PWWP2A: variants seen among roughly 807,000 people sequenced by gnomAD.
PWWP2A encodes PWWP domain-containing protein 2A.
Under a neutral mutation model 48.5 loss-of-function variants are expected in PWWP2A, and 18 were observed. The ratio of observed to expected loss-of-function variants is 0.37; its 90% CI spans 0.26 to 0.55. The LOEUF (loss-of-function observed/expected upper bound fraction) is 0.55. Ranked by LOEUF, PWWP2A falls within the 20% of genes least tolerant of loss-of-function variation. PWWP2A has a pLI of 0.81. For synonymous variants in PWWP2A, 396 were observed against 387.7 expected (o/e 1.02, Z -0.25); for missense variants, 867 against 976.4 (o/e 0.89, Z 1.49).
chr5:160,117,259 A>T (rs958544539), intron 1 of PWWP2A, among the ~76,000 whole-genome samples: 1 of 152,248 alleles, frequency 6.6e-6, no homozygotes, highest in Non-Finnish European at 1.5e-5. Context: ...CAGGAGTCTG[A>T]GACCAGCCTA....
intron 1 of PWWP2A, among the ~76,000 whole-genome samples, chr5:160,109,775 A>AATAATATAAT (rs397945490): frequency 3.6e-5 from 1 of 27,844 alleles, no homozygotes; most frequent in African/African-American, 1.3e-4. Context: ...AAAAAAAAAA[A>AATAATATAAT]TATATATATA....
the PWWP2A span, among the ~76,000 whole-genome samples, chr5:160,050,925 C>G: frequency 6.6e-6 from 1 of 151,738 alleles, no homozygotes; most frequent in African/African-American, 2.4e-5. Flanking sequence ...TGCACCTGGC[C>G]CAAACAGAAC....
chr5:160,056,236 T>C, the PWWP2A span, among the ~76,000 whole-genome samples: 3 of 152,224 alleles, frequency 2.0e-5, no homozygotes, highest in African/African-American at 2.4e-5. Flanking sequence ...TGCTGCTCCC[T>C]GCCCTGGCCA....
chr5:160,105,239 CAA>C lies in PWWP2A; in HGVS notation c.585-11176_585-11175del, dbSNP rs70990704. Reference sequence around the variant, plus strand: ...AGCAACAGAGACTCTGTCTCTAAGGCAAAAAAAAAAAAAAAAAAAAAAAAACA... The same window carrying C: ...AGCAACAGAGACTCTGTCTCTAAGGCAAAAAAAAAAAAAAAAAAAAAAACA... On this transcript the variant is annotated intron_variant, in intron 1 of 1. Transcript: ENST00000307063. 3.7e-4 allele frequency among the ~76,000 whole-genome samples: 18 copies of C among 48,954 alleles called. No individual in the cohort carries two copies. The South Asian group carries it at 4.2e-3, about 11-fold the overall frequency. 32.1% of individuals were successfully genotyped at this position (48,954 alleles called of 152,430 possible).
At chr5:160,050,966 A>G in the PWWP2A span, among the ~76,000 whole-genome samples, 1 of 123,314 alleles carries the variant, frequency 8.1e-6, no homozygotes, top group Admixed American at 8.3e-5. Context: ...CCACAAACAT[A>G]AATACTTGGG....
rs1240724402 is a variant in PWWP2A at position 160,092,902 on chromosome 5, C to T, written c.1748G>A (p.Cys583Tyr). The T allele has an allele frequency of 1.3e-6, 2 of 1,551,726 alleles. No homozygotes were observed. Among genetic ancestry groups the T allele is most frequent in the African/African-American group, 1.4e-5 (1 of 73,184 alleles). Reference protein sequence around the residue: ...KKSDSSSASVCSIDSTDDLKS... With the variant: ...KKSDSSSASVYSIDSTDDLKS... ...CAAATCATCTGTGCTATCAATGCTA[C>T]ACACTGAAGCACTGGAAGAGTCAGA... Residue 583 changes from cysteine (C) to tyrosine (Y), a missense_variant, in exon 2 of 2, where the codon TGT becomes TAT. Physicochemically the swap from Cys to Tyr is radical, Grantham distance 194. Around this residue, in one of 4 missense-constraint regions of PWWP2A, gnomAD observed 382 missense variants for 407.2 expected, o/e 0.94. Transcript: ENST00000307063.
At chr5:160,050,383 G>T in the PWWP2A span, among the ~76,000 whole-genome samples, 154 of 152,270 alleles carry the variant, frequency 1.0e-3, 1 homozygote, top group Non-Finnish European at 1.6e-3. Flanking sequence ...GGAGGTGGAG[G>T]TTGCAGTGAG....
chr5:160,093,248 C>A lies in PWWP2A; in HGVS notation c.1402G>T (p.Gly468Cys), dbSNP rs1219737704. The change falls in exon 2 of 2, where the codon GGT becomes TGT. Residue 468 changes from glycine (G) to cysteine (C), a missense_variant. Gly to Cys is a radical substitution (Grantham distance 159, BLOSUM62 -3). Transcript: ENST00000307063. The surrounding 1 kb of genome is among the most constrained non-coding windows in gnomAD (Gnocchi z 5.8). The part of the protein sequence containing the change: ...FTRRYQNPSS[G>C]SLPPRVRLKP... ...AAACGAACCCGGGGTGGAAGGGAACCTGAGCTAGGATTCTGATATCGACGT... is the reference window on the plus strand; with the variant it reads ...AAACGAACCCGGGGTGGAAGGGAACATGAGCTAGGATTCTGATATCGACGT... 2 of 1,613,866 alleles carry A rather than the reference C, an allele frequency of 1.2e-6. No individual in the cohort carries two copies. Among genetic ancestry groups the A allele is most frequent in the Non-Finnish European group, 1.7e-6 (2 of 1,179,892 alleles).
downstream of PWWP2A, chr5:160,089,728 CTT>C (rs1179345935): frequency 1.6e-6 from 2 of 1,237,218 alleles, no homozygotes; most frequent in Non-Finnish European, 2.1e-6. Flanking sequence ...CTGGCCAATC[CTT>C]TGTTTTAGCC....
At chr5:160,073,185 C>G (rs1055827756), downstream of PWWP2A, among the ~76,000 whole-genome samples, 1 of 151,758 alleles carries the variant, frequency 6.6e-6, no homozygotes, top group Non-Finnish European at 1.5e-5. Flanking sequence ...ATCCATGTCT[C>G]CTACCTCTTT....
intron 1 of PWWP2A, among the ~76,000 whole-genome samples, 182 bp from the exon 2 acceptor site, chr5:160,094,247 T>A (rs903368072): frequency 6.6e-6 from 1 of 152,244 alleles, no homozygotes; most frequent in Non-Finnish European, 1.5e-5. Flanking sequence ...CCTTCATTTC[T>A]TTAGGTTCTA....
the PWWP2A span, among the ~76,000 whole-genome samples, chr5:160,054,893 C>T: frequency 7.8e-4 from 119 of 152,256 alleles, no homozygotes; most frequent in Non-Finnish European, 1.0e-3. Flanking sequence ...GTAAAACTGA[C>T]GAGACACTTT....
downstream of PWWP2A, chr5:160,091,214 T>G (rs913847285): frequency 1.0e-6 from 1 of 970,692 alleles, no homozygotes; most frequent in African/African-American, 1.8e-5. Flanking sequence ...AGATAATATA[T>G]TCCCTGATAG....
At chr5:160,044,372 A>G in the PWWP2A span, among the ~76,000 whole-genome samples, 182 of 152,352 alleles carry the variant, frequency 1.2e-3, 2 homozygotes, top group Middle Eastern at 6.8e-3. Flanking sequence ...TGGCTACTCC[A>G]TAGGCAGAGC....
chr5:160,109,774 A>AATAT (rs1223846862), intron 1 of PWWP2A, among the ~76,000 whole-genome samples: 88 of 25,206 alleles, frequency 3.5e-3, no homozygotes, highest in African/African-American at 8.1e-3. Context: ...AAAAAAAAAA[A>AATAT]ATATATATAT....
chr5:160,102,653 G>C (rs982394427), intron 1 of PWWP2A, among the ~76,000 whole-genome samples: 16 of 152,102 alleles, frequency 1.1e-4, no homozygotes, highest in African/African-American at 3.9e-4. Flanking sequence ...TTAGTGCAAG[G>C]GAAACAGTAA....
chr5:160,051,105 C>G, the PWWP2A span: 1 of 1,556,474 alleles, frequency 6.4e-7, no homozygotes, highest in East Asian at 2.3e-5. Flanking sequence ...TTTTACCAAC[C>G]CTTGTTTCTC....
At chr5:160,057,381 C>G (rs1023083093), downstream of PWWP2A, among the ~76,000 whole-genome samples, 1 of 151,486 alleles carries the variant, frequency 6.6e-6, no homozygotes, top group African/African-American at 2.4e-5. This position sits in a 1 kb window ranked among gnomAD's most constrained non-coding sequence, Gnocchi z 4.4. Flanking sequence ...CTGTAGTCTA[C>G]TAAGTATGCA....
At chr5:160,109,784 T>TAAAATA (rs1757322817) in intron 1 of PWWP2A, among the ~76,000 whole-genome samples, 1 of 101,652 alleles carries the variant, frequency 9.8e-6, no homozygotes, top group Non-Finnish European at 2.0e-5. Context: ...AATATATATA[T>TAAAATA]ATATATATAT....
Sources: gnomAD v4.1 joint callset for allele counts (sites outside exome capture counted in the v4.1 genomes callset) on GRCh38, gnomAD v4.1.1 for gene constraint, gnomAD v4.1.1 regional missense constraint, Gnocchi (gnomAD v3.1) non-coding constraint, MANE v1.5 for transcripts, NCBI Gene and HGNC (gene_info 2026-07-23, HGNC 2026-07-21) for gene names.